The following PECAM1 variants were observed in gnomAD, a reference collection of about 807,000 sequenced individuals.
PECAM1 encodes platelet and endothelial cell adhesion molecule 1.
A neutral mutation model predicts 13.8 loss-of-function variants in PECAM1; 8 were observed. The ratio of observed to expected loss-of-function variants is 0.58; its 90% CI spans 0.34 to 1.05. PECAM1 has a LOEUF of 1.05. PECAM1 is among the 50% of genes least tolerant of loss of function. PECAM1 has a pLI of 0.03. For synonymous variants in PECAM1, 136 were observed against 52.6 expected (o/e 2.58, Z -6.86); for missense variants, 304 against 141.2 (o/e 2.15, Z -5.84).
At chr17:64,363,722 G>A (rs1015817380) in intron 5 of PECAM1, among the ~76,000 whole-genome samples, 34 of 152,158 alleles carry the variant, frequency 2.2e-4, no homozygotes, top group Non-Finnish European at 1.0e-4. Context: ...AGAGGTGGGT[G>A]GATCACCTGA....
chr17:64,334,902 T>G (rs1291819660), intron 14 of PECAM1, among the ~76,000 whole-genome samples: 2 of 152,006 alleles, frequency 1.3e-5, no homozygotes, highest in Non-Finnish European at 2.9e-5. Flanking sequence ...TGCTGAAAGA[T>G]CCCTCCAGGA....
At chr17:64,384,985 G>C (rs1475835316) in intron 2 of PECAM1, among the ~76,000 whole-genome samples, 1 of 152,224 alleles carries the variant, frequency 6.6e-6, no homozygotes, top group African/African-American at 2.4e-5. Context: ...TTTACACAGA[G>C]TGACTGTTCA....
At chr17:64,359,986 C>T (rs1019398146) in intron 7 of PECAM1, among the ~76,000 whole-genome samples, 154 bp downstream of exon 7, 1 of 152,212 alleles carries the variant, frequency 6.6e-6, no homozygotes, top group Admixed American at 6.5e-5. Context: ...CTCCTGGCCT[C>T]AATGATTCAC....
intron 9 of PECAM1, among the ~76,000 whole-genome samples, chr17:64,353,973 TC>T (rs2035792509): frequency 6.7e-6 from 1 of 148,694 alleles, no homozygotes; most frequent in Non-Finnish European, 1.5e-5. Context: ...AGAGTCTTGC[TC>T]TGTTGCCCAG....
intron 8 of PECAM1, 128 bp downstream of exon 8, chr17:64,355,983 G>A: frequency 2.2e-6 from 1 of 448,968 alleles, no homozygotes; most frequent in Non-Finnish European, 4.0e-6. Context: ...GAGCCTGGAG[G>A]ACATTACTCT....
At chr17:64,360,029 G>T (rs1466592383) in intron 7 of PECAM1, 111 bp downstream of exon 7, 3 of 473,714 alleles carry the variant, frequency 6.3e-6, no homozygotes, top group Non-Finnish European at 1.2e-5. Flanking sequence ...TGGGATTACA[G>T]GCATGAGCCA....
intron 5 of PECAM1, among the ~76,000 whole-genome samples, chr17:64,364,590 A>C (rs2036058983): frequency 1.3e-5 from 2 of 150,074 alleles, no homozygotes; most frequent in East Asian, 3.9e-4. Context: ...CTGGCAAACC[A>C]AATCCAGCAG....
chr17:64,358,953 C>T (rs2035910079), intron 7 of PECAM1, among the ~76,000 whole-genome samples: 1 of 152,006 alleles, frequency 6.6e-6, no homozygotes, highest in South Asian at 2.1e-4. Context: ...CCCACCACCA[C>T]ACCCAGCTAA....
At chr17:64,344,631 G>A (rs950815804) in intron 13 of PECAM1, among the ~76,000 whole-genome samples, 1 of 151,934 alleles carries the variant, frequency 6.6e-6, no homozygotes, top group Non-Finnish European at 1.5e-5. Flanking sequence ...GAACTGGCTT[G>A]GTCAAGACCA....
At chr17:64,381,194 C>A (rs2036474515) in intron 2 of PECAM1, among the ~76,000 whole-genome samples, 2 of 152,148 alleles carry the variant, frequency 1.3e-5, no homozygotes, top group African/African-American at 4.8e-5. Flanking sequence ...CCAGGAAACA[C>A]TGTGTTTATG....
At chr17:64,326,755 C>G (rs1198704504) in intron 15 of PECAM1, among the ~76,000 whole-genome samples, 2 of 152,228 alleles carry the variant, frequency 1.3e-5, no homozygotes, top group Non-Finnish European at 2.9e-5. Flanking sequence ...TTAACACGCT[C>G]ACATCCAAGG....
intron 7 of PECAM1, among the ~76,000 whole-genome samples, chr17:64,358,753 T>G (rs1443005505): frequency 6.6e-6 from 1 of 152,166 alleles, no homozygotes; most frequent in Admixed American, 6.6e-5. Context: ...TATGTCTTCT[T>G]TTTTGTATGC....
intron 15 of PECAM1, 110 bp downstream of exon 15, chr17:64,329,590 C>T (rs2035048398): frequency 1.4e-6 from 1 of 701,088 alleles, no homozygotes; most frequent in Admixed American, 2.0e-5. Context: ...CTGAAACAGA[C>T]TAGGGAGCGG....
At position 64,378,176 on chromosome 17, in the gene PECAM1, G is replaced by A. The variant is rs1037829731; in HGVS notation, c.92-59C>T. 2.1e-4 allele frequency: 90 copies of A among 438,896 alleles called. 1 individual carries two copies. Among genetic ancestry groups the A allele is most frequent in the East Asian group, 1.3e-3 (39 of 30,606 alleles). 27.2% of individuals were successfully genotyped at this position (438,896 alleles called of 1,614,324 possible). On this transcript the variant is annotated intron_variant, in intron 2 of 15. Transcript: ENST00000563924. ...GTTATCTCAGAAACAACATCATCCC[G>A]GTGACCTTCACCACATCAGATGTGG... is the stretch of plus-strand genomic sequence containing the variant.
chr17:64,367,880 T>C (rs1487804095), intron 5 of PECAM1, among the ~76,000 whole-genome samples: 1 of 152,208 alleles, frequency 6.6e-6, no homozygotes, highest in Non-Finnish European at 1.5e-5. Flanking sequence ...ATATAAGTCA[T>C]GATCAATACT....
chr17:64,324,682 G>T (rs2034896937), intron 15 of PECAM1, among the ~76,000 whole-genome samples: 2 of 152,220 alleles, frequency 1.3e-5, no homozygotes, highest in Non-Finnish European at 2.9e-5. Flanking sequence ...GTTTTAAAAT[G>T]ATATGATTCT....
At chr17:64,338,840 T>G (rs1463396641) in intron 14 of PECAM1, among the ~76,000 whole-genome samples, 1 of 152,236 alleles carries the variant, frequency 6.6e-6, no homozygotes, top group East Asian at 1.9e-4. Context: ...ATTACAGGCG[T>G]GAGCCACTGC....
intron 13 of PECAM1, among the ~76,000 whole-genome samples, chr17:64,343,703 C>T (rs2035488918): frequency 6.6e-6 from 1 of 152,182 alleles, no homozygotes. Context: ...CTGACTTCCC[C>T]AGGGCACCAA....
chr17:64,352,032 T>G (rs1222962699), intron 11 of PECAM1, among the ~76,000 whole-genome samples: 6 of 152,212 alleles, frequency 3.9e-5, no homozygotes, highest in African/African-American at 7.2e-5. Flanking sequence ...AATAATTCCA[T>G]CTGAGAAGAT....
Sources: gnomAD v4.1 joint callset for allele counts (sites outside exome capture counted in the v4.1 genomes callset) on GRCh38, gnomAD v4.1.1 for gene constraint, MANE v1.5 for transcripts, NCBI Gene and HGNC (gene_info 2026-07-23, HGNC 2026-07-21) for gene names.